The following RFC3 variants were observed in gnomAD, a reference collection of about 807,000 sequenced individuals.
RFC3 encodes replication factor C subunit 3, also known as A1 38 kDa subunit.
In RFC3, 41 loss-of-function variants were observed where a neutral mutation model predicts 45.1. The ratio of observed to expected loss-of-function variants is 0.91; its 90% CI spans 0.71 to 1.18. RFC3 has a LOEUF of 1.18. Among genes scored for constraint, RFC3 ranks in the 50% most tolerant of loss-of-function variants. The pLI, the probability that RFC3 is intolerant of heterozygous loss-of-function variation, is 0.00. For missense variants in RFC3, 423 were observed against 428.1 expected (o/e 0.99, Z 0.10); for synonymous variants, 149 against 144.0 (o/e 1.03, Z -0.25).
intron 8 of RFC3, among the ~76,000 whole-genome samples, chr13:33,880,424 G>T (rs2082475302): frequency 6.6e-6 from 1 of 152,102 alleles, no homozygotes; most frequent in Non-Finnish European, 1.5e-5. Context: ...CAGAAAAGAC[G>T]AATTAGTGAG....
chr13:33,893,535 C>T (rs1171682154), intron 8 of RFC3, among the ~76,000 whole-genome samples: 1 of 151,804 alleles, frequency 6.6e-6, no homozygotes. Flanking sequence ...AATAAGGAAC[C>T]AGTGCCTGAC....
chr13:33,836,909 A>T lies in RFC3; in HGVS notation c.*614A>T, dbSNP rs2082160023. 2.0e-6 allele frequency: 2 copies of T among 984,490 alleles called. No homozygotes were observed. The allele number at this position is 984,490 out of a possible 1,614,324, so 61.0% of individuals were successfully genotyped here. ...GTTTTCACTAATTTAAGTACTTGAG[A>T]CTCTTGAAGAAAATTCAGAATGAAG... On this transcript the variant is annotated 3_prime_UTR_variant, in exon 9 of 9. Transcript: ENST00000380071.
At position 33,818,196 on chromosome 13, in the gene RFC3, C is replaced by A; in HGVS notation, c.18C>A (p.Asp6Glu). The A allele has an allele frequency of 6.2e-7, 1 of 1,613,608 alleles. No homozygotes were observed. The highest frequency in any genetic ancestry group is 1.1e-5 in the South Asian group (1 of 91,062). Residue 6 changes from aspartate to glutamate, a missense_variant, in exon 1 of 9, where the codon GAC (aspartate) becomes GAA (glutamate). By Grantham distance (45) the Asp-to-Glu change is conservative. Transcript: ENST00000380071. MSLWVDKYRPCSLGRL... is the reference protein window; with the variant it reads MSLWVEKYRPCSLGRL... ...GAGCTGCCATGAGCCTCTGGGTGGACAAGTATCGGCCCTGCTCCTTGGGAC... is the reference window on the plus strand; with the variant it reads ...GAGCTGCCATGAGCCTCTGGGTGGAAAAGTATCGGCCCTGCTCCTTGGGAC...
At chr13:33,916,074 T>G (rs1458937532) in intron 8 of RFC3, among the ~76,000 whole-genome samples, 1 of 152,150 alleles carries the variant, frequency 6.6e-6, no homozygotes, top group Non-Finnish European at 1.5e-5. Context: ...GCTGGGATTA[T>G]AGGGGTGAGC....
At chr13:33,866,397 G>T (rs1008435346) in intron 8 of RFC3, among the ~76,000 whole-genome samples, 2 of 152,254 alleles carry the variant, frequency 1.3e-5, no homozygotes, top group Non-Finnish European at 2.9e-5. Context: ...TCAGCTGGAA[G>T]GGTGTGATCC....
At chr13:33,830,909 A>G (rs1451572166) in intron 6 of RFC3, 54 bp downstream of exon 6, 2 of 1,520,308 alleles carry the variant, frequency 1.3e-6, no homozygotes, top group Non-Finnish European at 1.8e-6. Context: ...GCTTTTTGGC[A>G]CCAGGGACCA....
At chr13:33,909,598 T>C (rs148977867) in intron 8 of RFC3, among the ~76,000 whole-genome samples, 124 of 152,238 alleles carry the variant, frequency 8.1e-4, no homozygotes, top group African/African-American at 3.0e-3. Flanking sequence ...TTCTTTCTGC[T>C]CTTCCTGCTC....
downstream of RFC3, among the ~76,000 whole-genome samples, chr13:33,968,478 TTAAC>T (rs2083097977): frequency 6.6e-6 from 1 of 152,186 alleles, no homozygotes; most frequent in Non-Finnish European, 1.5e-5. Flanking sequence ...AGATGGTAAT[TTAAC>T]TAAATGATCA....
chr13:33,912,677 G>C (rs1207227112), intron 8 of RFC3, among the ~76,000 whole-genome samples: 1 of 152,082 alleles, frequency 6.6e-6, no homozygotes, highest in Non-Finnish European at 1.5e-5. Context: ...ACCTGAGAAA[G>C]GAATTGAAAG....
At chr13:33,911,969 C>T (rs1192151818) in intron 8 of RFC3, among the ~76,000 whole-genome samples, 1 of 152,100 alleles carries the variant, frequency 6.6e-6, no homozygotes, top group Non-Finnish European at 1.5e-5. Context: ...GATACTACCA[C>T]TTCTCCTCAT....
intron 8 of RFC3, among the ~76,000 whole-genome samples, chr13:33,879,038 G>T (rs994300174): frequency 7.2e-5 from 11 of 152,062 alleles, no homozygotes; most frequent in Admixed American, 5.9e-4. Context: ...AGAACTCTAG[G>T]TTGTATTTTA....
At position 33,851,547 on chromosome 13, in the gene RFC3, G is replaced by T. The variant is rs1419258022; in HGVS notation, c.879+16330G>T. ...AAAAATATATATTTACTAAGTAGAA[G>T]TGGATCATTATAAAGGTCTTCATCC... On this transcript the variant is annotated intron_variant, in intron 8 of 8. Coordinates refer to the RFC3 transcript ENST00000434425. Among the ~76,000 whole-genome samples the T allele has an allele frequency of 3.3e-5, 5 of 152,138 alleles. No individual in the cohort carries two copies. The East Asian group carries it at 9.6e-4, about 29-fold the overall frequency.
At chr13:33,883,175 G>T (rs1045291815) in intron 8 of RFC3, among the ~76,000 whole-genome samples, 1 of 152,188 alleles carries the variant, frequency 6.6e-6, no homozygotes, top group African/African-American at 2.4e-5. Context: ...GGAAGTAACT[G>T]AGTAACAACC....
At chr13:33,852,389 G>A (rs916075988) in intron 8 of RFC3, among the ~76,000 whole-genome samples, 1 of 152,180 alleles carries the variant, frequency 6.6e-6, no homozygotes, top group Non-Finnish European at 1.5e-5. Context: ...CTAAAGTCTA[G>A]CACTGCCCCC....
chr13:33,881,351 T>C (rs1372675615), intron 8 of RFC3, among the ~76,000 whole-genome samples: 2 of 152,192 alleles, frequency 1.3e-5, no homozygotes, highest in South Asian at 2.1e-4. Context: ...GCAAACATCA[T>C]TGGCGCTCTA....
chr13:33,951,333 G>A (rs1293028648), intron 8 of RFC3, among the ~76,000 whole-genome samples: 1 of 150,988 alleles, frequency 6.6e-6, no homozygotes, highest in East Asian at 1.9e-4. Context: ...CCTGGTTCAA[G>A]CGATTCCCCT....
intron 7 of RFC3, among the ~76,000 whole-genome samples, chr13:33,833,193 T>C (rs1325372225): frequency 2.0e-5 from 3 of 152,194 alleles, no homozygotes; most frequent in African/African-American, 7.2e-5. Flanking sequence ...GATTTCTGAC[T>C]CCTTTGTCTT....
chr13:33,890,613 A>G (rs938062371), intron 8 of RFC3, among the ~76,000 whole-genome samples: 1 of 152,104 alleles, frequency 6.6e-6, no homozygotes, highest in Non-Finnish European at 1.5e-5. Flanking sequence ...TTGGACCCTC[A>G]TGTTTATTTA....
intron 8 of RFC3, among the ~76,000 whole-genome samples, chr13:33,906,269 T>C: frequency 6.6e-6 from 1 of 152,010 alleles, no homozygotes; most frequent in East Asian, 1.9e-4. Context: ...ATTTGGCTTA[T>C]AGTAAATCAA....
Sources: allele counts gnomAD v4.1 joint callset (sites outside exome capture counted in the v4.1 genomes callset), GRCh38; gene constraint gnomAD v4.1.1; transcripts MANE v1.5; gene names NCBI Gene and HGNC (gene_info 2026-07-23, HGNC 2026-07-21).